The following ANKS1B variants were observed in gnomAD, a reference collection of about 807,000 sequenced individuals.
ANKS1B encodes ankyrin repeat and sterile alpha motif domain containing 1B.
A neutral mutation model predicts 148.3 loss-of-function variants in ANKS1B; 36 were observed. The observed-to-expected ratio is 0.24, with a 90% CI of 0.19 to 0.32. ANKS1B has a LOEUF of 0.32. ANKS1B is among the 10% of genes least tolerant of loss of function. ANKS1B has a pLI of 1.00. For missense variants in ANKS1B, 1,157 were observed against 1,542.6 expected (o/e 0.75, Z 4.19); for synonymous variants, 542 against 560.8 (o/e 0.97, Z 0.47).
chr12:99,481,365 T>C (rs189529071), intron 10 of ANKS1B, among the ~76,000 whole-genome samples: 1 of 152,038 alleles, frequency 6.6e-6, no homozygotes, highest in African/African-American at 2.4e-5. Context: ...ATTTTGTTCC[T>C]TTTAATGGCT....
At chr12:99,201,125 G>C (rs920016139) in intron 14 of ANKS1B, among the ~76,000 whole-genome samples, 1 of 152,174 alleles carries the variant, frequency 6.6e-6, no homozygotes, top group Non-Finnish European at 1.5e-5. Context: ...AGGGAAGAGA[G>C]AGTGGCAGGA....
intron 19 of ANKS1B, among the ~76,000 whole-genome samples, chr12:98,818,176 C>CCTCT (rs2099157515): frequency 7.4e-6 from 1 of 134,722 alleles, no homozygotes; most frequent in Non-Finnish European, 1.6e-5. Flanking sequence ...TCCCTCCCTT[C>CCTCT]CTTCCTCTCT....
At chr12:99,418,855 A>G (rs1334725693) in intron 11 of ANKS1B, among the ~76,000 whole-genome samples, 1 of 152,186 alleles carries the variant, frequency 6.6e-6, no homozygotes, top group Non-Finnish European at 1.5e-5. Context: ...CTTAAAAAAC[A>G]AAACAACATG....
At chr12:99,018,284 C>T (rs959133726) in intron 17 of ANKS1B, among the ~76,000 whole-genome samples, 6 of 152,154 alleles carry the variant, frequency 3.9e-5, no homozygotes, top group Admixed American at 6.5e-5. Flanking sequence ...AGCTTGTTTG[C>T]CCCTTCTGTC....
At chr12:99,240,740 A>T (rs1210877806) in intron 14 of ANKS1B, among the ~76,000 whole-genome samples, 1 of 152,228 alleles carries the variant, frequency 6.6e-6, no homozygotes, top group Non-Finnish European at 1.5e-5. Flanking sequence ...AGGATTAAGA[A>T]ATTCACTCAA....
chr12:99,375,788 T>A (rs577268255), intron 12 of ANKS1B, among the ~76,000 whole-genome samples: 1 of 152,180 alleles, frequency 6.6e-6, no homozygotes, highest in African/African-American at 2.4e-5. Flanking sequence ...TTGCTTTCCA[T>A]ACATAACTGT....
intron 8 of ANKS1B, among the ~76,000 whole-genome samples, chr12:99,756,296 C>T (rs1435721923): frequency 6.6e-6 from 1 of 151,416 alleles, no homozygotes; most frequent in Admixed American, 6.6e-5. Context: ...CTACAACAGG[C>T]AAGTGGAGAG....
chr12:99,852,301 C>T (rs1325140323), intron 1 of ANKS1B, among the ~76,000 whole-genome samples: 6 of 138,790 alleles, frequency 4.3e-5, no homozygotes, highest in Non-Finnish European at 1.6e-5. Context: ...AGCTCTGATG[C>T]CCTATTTTAT....
At chr12:99,138,741 G>A (rs908152732) in intron 15 of ANKS1B, among the ~76,000 whole-genome samples, 4 of 152,078 alleles carry the variant, frequency 2.6e-5, no homozygotes, top group African/African-American at 9.7e-5. Flanking sequence ...CATGCATTTT[G>A]ACATCTCACC....
chr12:99,771,740 G>C (rs1293292236), intron 8 of ANKS1B, among the ~76,000 whole-genome samples: 1 of 151,898 alleles, frequency 6.6e-6, no homozygotes, highest in East Asian at 1.9e-4. Context: ...GCCAATAATA[G>C]GATGTTTTTA....
intron 17 of ANKS1B, among the ~76,000 whole-genome samples, chr12:99,009,892 G>A (rs2099938307): frequency 6.6e-6 from 1 of 150,838 alleles, no homozygotes; most frequent in Non-Finnish European, 1.5e-5. Context: ...ATTAAAACCA[G>A]AATCCTTATT....
chr12:99,543,046 T>C (rs2097141374), intron 9 of ANKS1B, among the ~76,000 whole-genome samples: 1 of 152,040 alleles, frequency 6.6e-6, no homozygotes, highest in South Asian at 2.1e-4. Flanking sequence ...AAAAAGACAT[T>C]CACAGACTAG....
At chr12:99,850,503 AT>A (rs1053609296) in intron 1 of ANKS1B, among the ~76,000 whole-genome samples, 1 of 151,982 alleles carries the variant, frequency 6.6e-6, no homozygotes, top group African/African-American at 2.4e-5. Flanking sequence ...AGTAACCCAA[AT>A]TCTCTATCTT....
intron 10 of ANKS1B, among the ~76,000 whole-genome samples, chr12:99,448,814 G>T (rs1397752413): frequency 6.6e-6 from 1 of 151,998 alleles, no homozygotes; most frequent in Non-Finnish European, 1.5e-5. Flanking sequence ...GGATAGAGCT[G>T]CCATCAGCAG....
intron 1 of ANKS1B, among the ~76,000 whole-genome samples, chr12:99,904,265 C>T (rs1442893289): frequency 6.7e-6 from 1 of 150,030 alleles, no homozygotes. Flanking sequence ...GATCTCAGCT[C>T]ACTGCAACCT....
intron 10 of ANKS1B, among the ~76,000 whole-genome samples, chr12:99,498,849 C>CCCTTTGTT (rs2096629092): frequency 6.6e-6 from 1 of 152,148 alleles, no homozygotes; most frequent in Non-Finnish European, 1.5e-5. Context: ...AAAGGGAATA[C>CCCTTTGTT]ATCAGTAACT....
chr12:99,890,584 TG>T (rs2093046385), intron 1 of ANKS1B, among the ~76,000 whole-genome samples: 3 of 82,292 alleles, frequency 3.6e-5, no homozygotes, highest in Admixed American at 1.5e-4. Context: ...TGTGTGTGTG[TG>T]TGTGTGTGTG....
chr12:99,732,790 T>C (rs1427339379), intron 8 of ANKS1B, among the ~76,000 whole-genome samples: 2 of 152,186 alleles, frequency 1.3e-5, no homozygotes, highest in African/African-American at 4.8e-5. Context: ...AATAGTTTAA[T>C]AGTAGAGAAA....
intron 17 of ANKS1B, among the ~76,000 whole-genome samples, chr12:99,043,708 T>C (rs1230222276): frequency 6.6e-5 from 10 of 152,250 alleles, no homozygotes; most frequent in African/African-American, 2.4e-4. Flanking sequence ...AGAACAGATA[T>C]AAATCCCAAG....
Sources: allele counts gnomAD v4.1 joint callset (sites outside exome capture counted in the v4.1 genomes callset), GRCh38; gene constraint gnomAD v4.1.1; transcripts MANE v1.5; gene names NCBI Gene and HGNC (gene_info 2026-07-23, HGNC 2026-07-21).